The following AMY2B variants were observed in gnomAD, a reference collection of about 807,000 sequenced individuals.
AMY2B encodes the protein alpha-amylase 2B.
In AMY2B, 63 loss-of-function variants were observed where a neutral mutation model predicts 59.3. The ratio of observed to expected loss-of-function variants is 1.06; its 90% CI spans 0.87 to 1.31. The LOEUF (loss-of-function observed/expected upper bound fraction) is 1.31. Among genes scored for constraint, AMY2B ranks in the 50% most tolerant of loss-of-function variants. AMY2B has a pLI of 0.00. For missense variants in AMY2B, 635 were observed against 626.7 expected (o/e 1.01, Z -0.14); for synonymous variants, 180 against 198.1 (o/e 0.91, Z 0.77).
intron 1 of AMY2B, among the ~76,000 whole-genome samples, chr1:103,563,086 A>ATGC: frequency 6.6e-6 from 1 of 152,066 alleles, no homozygotes; most frequent in African/African-American, 2.4e-5. Context: ...TTTTGAGTTA[A>ATGC]TTCTTGATAC....
intron 3 of AMY2B, among the ~76,000 whole-genome samples, 158 bp from the exon 4 acceptor site, chr1:103,573,550 A>G (rs1482353037): frequency 1.3e-5 from 2 of 152,188 alleles, no homozygotes; most frequent in South Asian, 4.1e-4. Context: ...TATTTCCAAG[A>G]TACATCTATA....
chr1:103,572,984 T>C (rs572364766), intron 2 of AMY2B, 79 bp from the exon 3 acceptor site: 20 of 1,607,748 alleles, frequency 1.2e-5, no homozygotes, highest in Non-Finnish European at 1.7e-5. Flanking sequence ...TTTATTAACA[T>C]ACTATAAACT....
At chr1:103,565,336 C>T (rs989703670) in intron 1 of AMY2B, 1 of 152,142 alleles carries the variant, frequency 6.6e-6, no homozygotes, top group South Asian at 2.1e-4. Flanking sequence ...AATATAAATG[C>T]TATGCAGATA....
chr1:103,575,263 G>A lies in AMY2B; in HGVS notation c.919G>A (p.Ala307Thr). Residue 307 changes from alanine (A) to threonine (T), a missense_variant, in exon 6 of 10, where the codon GCA becomes ACA. Ala to Thr is a moderately conservative substitution (Grantham distance 58). Transcript: ENST00000684275. The part of the protein sequence containing the change: ...EGWGFMPSDR[A>T]LVFVDNHDNQ... Reference sequence around the variant, plus strand: ...TTGGGGTTTCATGCCTTCTGACAGAGCACTTGTCTTTGTGGATAACCATGA... The same window carrying A: ...TTGGGGTTTCATGCCTTCTGACAGAACACTTGTCTTTGTGGATAACCATGA... 2.5e-6 allele frequency: 4 copies of A among 1,613,630 alleles called. No homozygotes were observed. The highest frequency in any genetic ancestry group is 3.4e-6 in the Non-Finnish European group (4 of 1,179,676).
At chr1:103,566,259 A>G (rs1283942916) in intron 2 of AMY2B, among the ~76,000 whole-genome samples, 1 of 152,146 alleles carries the variant, frequency 6.6e-6, no homozygotes, top group Non-Finnish European at 1.5e-5. Context: ...ACCCTCTTAA[A>G]ACTATGTTCA....
intron 9 of AMY2B, among the ~76,000 whole-genome samples, chr1:103,579,077 C>G (rs532561731): frequency 1.3e-5 from 2 of 152,260 alleles, no homozygotes; most frequent in East Asian, 1.9e-4. Flanking sequence ...TATTCTTCAA[C>G]TTTGATTTTT....
At chr1:103,566,199 T>A (rs1431016078) in intron 2 of AMY2B, among the ~76,000 whole-genome samples, 1 of 152,190 alleles carries the variant, frequency 6.6e-6, no homozygotes, top group Non-Finnish European at 1.5e-5. Flanking sequence ...TATTCCCATC[T>A]GTCAGAAAGA....
At chr1:103,557,505 A>G (rs943304281) in intron 1 of AMY2B, among the ~76,000 whole-genome samples, 1 of 151,924 alleles carries the variant, frequency 6.6e-6, no homozygotes, top group African/African-American at 2.4e-5. Flanking sequence ...TACAAAAAAA[A>G]TTGCTGGGCA....
intron 1 of AMY2B, chr1:103,564,883 A>G (rs1408141589): frequency 3.3e-5 from 5 of 151,956 alleles, no homozygotes; most frequent in Admixed American, 1.3e-4. Flanking sequence ...GTTTCTCTAA[A>G]CCAAATCTGC....
At chr1:103,573,369 A>G in intron 3 of AMY2B, 109 bp downstream of exon 3, 2 of 1,550,532 alleles carry the variant, frequency 1.3e-6, no homozygotes, top group Non-Finnish European at 1.8e-6. Context: ...TCTCTTAGGG[A>G]CACAGGTTAA....
intron 5 of AMY2B, among the ~76,000 whole-genome samples, chr1:103,574,839 A>T (rs1309808242): frequency 6.6e-6 from 1 of 151,562 alleles, no homozygotes; most frequent in Non-Finnish European, 1.5e-5. Context: ...ATTCCGTAAA[A>T]TGTGATATGG....
At chr1:103,571,392 C>A, upstream of AMY2B, 1 of 1,199,204 alleles carries the variant, frequency 8.3e-7, no homozygotes, top group Non-Finnish European at 1.1e-6. Context: ...ACCAAAAAAA[C>A]ATTAATTTCT....
At chr1:103,573,543 T>C (rs184629251) in intron 3 of AMY2B, among the ~76,000 whole-genome samples, 165 bp from the exon 4 acceptor site, 1,919 of 152,282 alleles carry the variant, frequency 0.013, 20 homozygotes, top group Middle Eastern at 0.02. Context: ...TAGAAAATAT[T>C]TCCAAGATAC....
In AMY2B at chr1:103,577,553, C is replaced by G. The variant is rs2101079685; in HGVS notation, c.1165C>G (p.Pro389Ala). Residue 389 changes from proline to alanine, a missense_variant, in exon 8 of 10, where the codon CCA (proline) becomes GCA (alanine). Physicochemically the swap from Pro to Ala is conservative, Grantham distance 27. Transcript: ENST00000684275. Reference sequence around the variant, plus strand: ...AGTAATTAAAGAAGTTACTATTAATCCAGACACTACTTGTGGCAATGACTG... The same window carrying G: ...AGTAATTAAAGAAGTTACTATTAATGCAGACACTACTTGTGGCAATGACTG... Reference protein sequence around the residue: ...NGVIKEVTINPDTTCGNDWVC... With the variant: ...NGVIKEVTINADTTCGNDWVC... The G allele has an allele frequency of 6.2e-7, 1 of 1,611,880 alleles. No homozygotes were observed. The highest frequency in any genetic ancestry group is 2.2e-5 in the East Asian group (1 of 44,850).
Position 103,579,500 on chromosome 1 carries a change from A to T in AMY2B, c.1536A>T (p.Ter512TyrextTer?). 1 of 1,608,674 alleles carries T rather than the reference A, an allele frequency of 6.2e-7. No homozygotes were observed. The highest frequency in any genetic ancestry group is 8.5e-7 in the Non-Finnish European group (1 of 1,178,814). Reference sequence around the variant, plus strand: ...CAATTCATGCTGAATCTAAATTATAAAATTTAAAATTAAATGCATATCCTC... The same window carrying T: ...CAATTCATGCTGAATCTAAATTATATAATTTAAAATTAAATGCATATCCTC... ...FIAIHAESKL[*>Y] Residue 512 changes from the stop codon to tyrosine, a stop_lost, in exon 10 of 10, where the codon TAA (stop) becomes TAT (tyrosine). Coordinates refer to ENST00000684275, the MANE Select transcript of AMY2B (RefSeq NM_001387437.1).
intron 5 of AMY2B, 86 bp from the exon 6 acceptor site, chr1:103,575,137 G>A: frequency 6.3e-7 from 1 of 1,584,102 alleles, no homozygotes; most frequent in African/African-American, 1.3e-5. Context: ...CAGATGCCAT[G>A]CCATGCAGAA....
At chr1:103,568,224 A>T (rs965235102), upstream of AMY2B, 1 of 152,344 alleles carries the variant, frequency 6.6e-6, no homozygotes, top group African/African-American at 2.4e-5. Flanking sequence ...AGCAAAAAGC[A>T]GACACACACT....
upstream of AMY2B, chr1:103,570,583 T>G (rs930148212): frequency 6.7e-6 from 4 of 596,050 alleles, no homozygotes; most frequent in African/African-American, 5.5e-5. Context: ...GGCTCCATCC[T>G]GGCCTCACTG....
At chr1:103,575,143 C>T in intron 5 of AMY2B, 80 bp from the exon 6 acceptor site, 2 of 1,591,484 alleles carry the variant, frequency 1.3e-6, no homozygotes, top group Non-Finnish European at 1.7e-6. Context: ...CCATGCCATG[C>T]AGAAAGAGAT....
Sources: gnomAD v4.1 joint callset for allele counts (sites outside exome capture counted in the v4.1 genomes callset) on GRCh38, gnomAD v4.1.1 for gene constraint, MANE v1.5 for transcripts, NCBI Gene and HGNC (gene_info 2026-07-23, HGNC 2026-07-21) for gene names.